Variants in POM121 observed in about 807,000 individuals in gnomAD.
POM121 encodes the protein POM121 transmembrane nucleoporin.
Under a neutral mutation model 81.3 loss-of-function variants are expected in POM121, and 32 were observed. The observed-to-expected ratio is 0.39, with a 90% CI of 0.30 to 0.53. The LOEUF (loss-of-function observed/expected upper bound fraction) is 0.53, where lower values mean the gene tolerates loss of function less well. POM121 is among the 20% of genes least tolerant of loss of function. The probability of loss-of-function intolerance (pLI) is 0.66; values close to 1 mark genes in which losing one functional copy is unlikely to be tolerated. For missense variants in POM121, 1,138 were observed against 1,614.6 expected (o/e 0.70, Z 5.06); for synonymous variants, 514 against 694.2 (o/e 0.74, Z 4.08).
upstream of POM121, among the ~76,000 whole-genome samples, chr7:72,920,367 T>TTTG (rs1432812750): frequency 3.8e-4 from 56 of 147,716 alleles, no homozygotes; most frequent in Admixed American, 2.8e-3. Flanking sequence ...TTTTTTTTTT[T>TTTG]AGTTGGAGTC....
chr7:72,934,920 A>T (rs1242032288), intron 5 of POM121, among the ~76,000 whole-genome samples: 2 of 151,814 alleles, frequency 1.3e-5, no homozygotes, highest in Non-Finnish European at 2.9e-5. Context: ...TTTTACCCCT[A>T]GCCTTATACT....
At chr7:72,925,848 T>G in intron 1 of POM121, 83 bp downstream of exon 1, 1 of 1,240,556 alleles carries the variant, frequency 8.1e-7, no homozygotes, top group Non-Finnish European at 1.0e-6. Context: ...CCGATTTGCT[T>G]TTTCATCAAG....
intron 3 of POM121, among the ~76,000 whole-genome samples, chr7:72,902,385 C>T (rs1792767916): frequency 1.3e-5 from 2 of 150,540 alleles, no homozygotes; most frequent in South Asian, 4.2e-4. Context: ...GTCTCAGCCT[C>T]CTGAGTAGCT....
chr7:72,948,900 G>A (rs782135151), downstream of POM121: 44 of 1,611,898 alleles, frequency 2.7e-5, no homozygotes, highest in East Asian at 2.0e-4. Context: ...ACCTGAAGGC[G>A]CCCGGGTTCT....
At chr7:72,896,301 A>G (rs1791943007) in intron 3 of POM121, among the ~76,000 whole-genome samples, 1 of 152,100 alleles carries the variant, frequency 6.6e-6, no homozygotes, top group Non-Finnish European at 1.5e-5. Flanking sequence ...CCTGGGCAAC[A>G]TAAGGAGACC....
At chr7:72,937,591 T>C (rs1796635371) in intron 5 of POM121, among the ~76,000 whole-genome samples, 2 of 152,178 alleles carry the variant, frequency 1.3e-5, no homozygotes, top group African/African-American at 2.4e-5. Context: ...TTTGAACTCT[T>C]ATTAAGCATT....
rs1225688610 is a variant in POM121 at position 72,927,035 on chromosome 7, A to G, written c.1022+72A>G. On this transcript the variant is annotated intron_variant, in intron 3 of 12. Transcript: ENST00000434423. ...TATGGGATGAGATGTAGACATTCCC[A>G]TATAGATACAGAGGCCATCTCCAGT... The G allele has an allele frequency of 1.1e-5, 18 of 1,609,496 alleles. No homozygotes were observed. The African/African-American group carries it at 1.3e-4, about 12-fold the overall frequency.
intron 7 of POM121, 44 bp downstream of exon 7, chr7:72,939,453 G>A: frequency 1.2e-6 from 2 of 1,611,128 alleles, no homozygotes; most frequent in Non-Finnish European, 1.7e-6. Context: ...TGGTGGTGGA[G>A]GTGTTTGTGG....
At chr7:72,900,085 AG>A (rs1343077627) in intron 3 of POM121, among the ~76,000 whole-genome samples, 1 of 152,210 alleles carries the variant, frequency 6.6e-6, no homozygotes, top group African/African-American at 2.4e-5. Context: ...TGTGCCCTGT[AG>A]AATTATTTTT....
intron 10 of POM121, 135 bp downstream of exon 10, chr7:72,941,128 C>T (rs1321046953): frequency 1.2e-4 from 70 of 606,692 alleles, no homozygotes; most frequent in East Asian, 7.5e-4. Context: ...CACACCGGAG[C>T]GGGCCCACGT....
chr7:72,938,717 G>A (rs781846521), intron 6 of POM121, 36 bp downstream of exon 6: 50 of 1,602,596 alleles, frequency 3.1e-5, no homozygotes, highest in Middle Eastern at 1.6e-4. Context: ...CATTTGCTGC[G>A]TGGACAGGCG....
At chr7:72,902,682 C>T (rs1251385124) in intron 3 of POM121, among the ~76,000 whole-genome samples, 1 of 152,072 alleles carries the variant, frequency 6.6e-6, no homozygotes, top group Non-Finnish European at 1.5e-5. Flanking sequence ...GCGCATTCTA[C>T]CACACTTGGC....
At position 72,913,956 on chromosome 7, in the gene POM121, C is replaced by T. The variant is rs554058748; in HGVS notation, c.-152+128C>T. 1.2e-4 allele frequency: 19 copies of T among 152,322 alleles called. No homozygotes were observed. The South Asian group carries it at 3.9e-3, about 32-fold the overall frequency. The allele number at this position is 152,322 out of a possible 1,614,324, so 9.4% of individuals were successfully genotyped here. On this transcript the variant is annotated intron_variant, in intron 4 of 15. Coordinates refer to the POM121 transcript ENST00000395270. ...AACATGACCGTGTCACTTCTTCCAT[C>T]GCGTGGTCGGGGTTATGTCTCTTTT...
Position 72,929,979 on chromosome 7 carries a change from A to G in POM121, c.1143A>G (p.Ser381=), listed in dbSNP as rs1795853553. 2 of 1,613,870 alleles carry G rather than the reference A, an allele frequency of 1.2e-6. No homozygotes were observed. Among genetic ancestry groups the G allele is most frequent in the South Asian group, 2.2e-5 (2 of 91,082 alleles). The change falls in exon 5 of 13, where the codon TCA becomes TCG. Residue 381 remains serine, a synonymous_variant. Coordinates refer to ENST00000434423, the MANE Select transcript of POM121 (RefSeq NM_001387691.1). ...AGAGAGGCCTCAATTCTCAGAGCTCAGATGACCACTTGAATAAGAGATCCC... is the reference window on the plus strand; with the variant it reads ...AGAGAGGCCTCAATTCTCAGAGCTCGGATGACCACTTGAATAAGAGATCCC... The part of the protein sequence containing the change: ...SLKRGLNSQS[S]DDHLNKRSRS...
intron 4 of POM121, among the ~76,000 whole-genome samples, chr7:72,915,733 C>T (rs1175971967): frequency 1.3e-5 from 2 of 152,086 alleles, no homozygotes; most frequent in Non-Finnish European, 2.9e-5. Context: ...AGTGCAGTGG[C>T]GTGATCCAGG....
intron 3 of POM121, among the ~76,000 whole-genome samples, chr7:72,895,238 C>T (rs1164897097): frequency 3.3e-5 from 5 of 152,192 alleles, no homozygotes; most frequent in African/African-American, 1.2e-4. Flanking sequence ...CATGTGAGGA[C>T]TGCATTTCAT....
At position 72,942,822 on chromosome 7, in the gene POM121, G is replaced by A. The variant is rs781827323; in HGVS notation, c.2829G>A (p.Thr943=). ...AGCCCACTCTGACGTTCAGTAACAC[G>A]AGCACCCCCACGTTCAACATTCCCT... is the stretch of plus-strand genomic sequence containing the variant. ...SSQPTLTFSN[T]STPTFNIPFG... is the part of the protein sequence containing the mutation. Residue 943 remains threonine, a synonymous_variant, in exon 11 of 13, where the codon ACG becomes ACA. Transcript: ENST00000434423. 597 of 1,530,686 alleles carry A rather than the reference G, an allele frequency of 3.9e-4. No individual in the cohort carries two copies. The highest frequency in any genetic ancestry group is 5.0e-4 in the Non-Finnish European group (572 of 1,140,774). 94.8% of individuals were successfully genotyped at this position (1,530,686 alleles called of 1,614,324 possible).
chr7:72,938,498 GT>G (rs1179533469), intron 5 of POM121, 91 bp from the exon 6 acceptor site: 11 of 1,395,536 alleles, frequency 7.9e-6, no homozygotes, highest in Middle Eastern at 2.3e-4. Flanking sequence ...CATAAAGAAT[GT>G]TTTTTTAGTC....
intron 3 of POM121, among the ~76,000 whole-genome samples, chr7:72,913,057 A>AT (rs1213531856): frequency 6.6e-6 from 1 of 152,208 alleles, no homozygotes; most frequent in African/African-American, 2.4e-5. Flanking sequence ...TTAATTATAT[A>AT]TACTGTACAT....
Sources: gnomAD v4.1 joint callset for allele counts (sites outside exome capture counted in the v4.1 genomes callset) on GRCh38, gnomAD v4.1.1 for gene constraint, MANE v1.5 for transcripts, NCBI Gene and HGNC (gene_info 2026-07-23, HGNC 2026-07-21) for gene names.